The following TLR1 variants were observed in gnomAD, a reference collection of about 807,000 sequenced individuals.
The protein encoded by TLR1 is toll like receptor 1.
Under a neutral mutation model 20.2 loss-of-function variants are expected in TLR1, and 19 were observed. That is an observed-to-expected ratio of 0.94 (90% CI 0.66 to 1.38). The LOEUF (loss-of-function observed/expected upper bound fraction) is 1.38, where lower values mean the gene tolerates loss of function less well. TLR1 is among the 40% of genes most tolerant of loss of function. The pLI is 0.00. For synonymous variants in TLR1, 320 were observed against 334.5 expected, an observed-to-expected ratio of 0.96 and a Z score of 0.47; for missense variants, 921 against 910.0, an observed-to-expected ratio of 1.01 and a Z score of -0.16.
In TLR1 at chr4:38,796,688, T is replaced by C; in HGVS notation, c.2144A>G (p.His715Arg). 1 of 1,614,178 alleles carries C rather than the reference T, an allele frequency of 6.2e-7. No individual in the cohort carries two copies. Among genetic ancestry groups the C allele is most frequent in the South Asian group, 1.1e-5 (1 of 91,088 alleles). Residue 715 changes from histidine (H) to arginine (R), a missense_variant, in exon 4 of 4, where the codon CAT (histidine) becomes CGT (arginine). Coordinates refer to ENST00000308979, the MANE Select transcript of TLR1 (RefSeq NM_003263.4). ...EWCHYELYFA[H>R]HNLFHEGSNS... is the part of the protein sequence containing the mutation. ...AGATCCTTCATGAAAGAGATTGTGA[T>C]GGGCAAAGTAGAGTTCATAATGGCA...
Position 38,798,471 on chromosome 4 carries a change from G to A in TLR1, c.361C>T (p.Leu121=). 1 of 1,614,042 alleles carries A rather than the reference G, an allele frequency of 6.2e-7. No homozygotes were observed. The highest frequency in any genetic ancestry group is 1.6e-4 in the Middle Eastern group (1 of 6,062). The change falls in exon 4 of 4, where the codon CTG becomes TTG. Residue 121 remains leucine (L), a synonymous_variant. Coordinates refer to ENST00000308979, the MANE Select transcript of TLR1 (RefSeq NM_003263.4). ...HPTVNLKHLD[L]SFNAFDALPI... ...AGGGCATCAAATGCATTAAATGACA[G>A]GTCCAAGTGCTTGAGGTTCACAGTA...
At chr4:38,801,893 CA>C (rs1244694755) in intron 2 of TLR1, among the ~76,000 whole-genome samples, 1 of 152,174 alleles carries the variant, frequency 6.6e-6, no homozygotes, top group African/African-American at 2.4e-5. Flanking sequence ...GATGATCAGG[CA>C]GTTGTTAAAC....
chr4:38,795,135 G>A (rs556026741), downstream of TLR1, among the ~76,000 whole-genome samples: 2 of 152,264 alleles, frequency 1.3e-5, no homozygotes, highest in African/African-American at 4.8e-5. Context: ...TTTAACCCAA[G>A]AATAGAAGAA....
In TLR1 at chr4:38,798,456, A is replaced by G. The variant is rs1189222427; in HGVS notation, c.376T>C (p.Phe126Leu). The change falls in exon 4 of 4, where the codon TTT becomes CTT. Residue 126 changes from phenylalanine to leucine, a missense_variant. Coordinates refer to ENST00000308979, the MANE Select transcript of TLR1 (RefSeq NM_003263.4). ...TCTTTGCATATAGGCAGGGCATCAA[A>G]TGCATTAAATGACAGGTCCAAGTGC... is the stretch of plus-strand genomic sequence containing the variant. Reference protein sequence around the residue: ...LKHLDLSFNAFDALPICKEFG... With the variant: ...LKHLDLSFNALDALPICKEFG... The G allele has an allele frequency of 6.2e-7, 1 of 1,614,032 alleles. No individual in the cohort carries two copies. The highest frequency in any genetic ancestry group is 8.5e-7 in the Non-Finnish European group (1 of 1,179,946).
downstream of TLR1, among the ~76,000 whole-genome samples, chr4:38,793,984 A>C (rs1725873280): frequency 3.3e-5 from 5 of 152,172 alleles, no homozygotes; most frequent in South Asian, 1.0e-3. Flanking sequence ...TTAAGAAAAG[A>C]GACTGGGTTG....
intron 2 of TLR1, among the ~76,000 whole-genome samples, chr4:38,801,952 T>C (rs1183681010): frequency 6.6e-6 from 1 of 152,146 alleles, no homozygotes; most frequent in African/African-American, 2.4e-5. Flanking sequence ...ATTCCAGCAC[T>C]TCGGGAGGCT....
chr4:38,802,454 A>T (rs1011470208), intron 2 of TLR1, among the ~76,000 whole-genome samples: 6 of 152,218 alleles, frequency 3.9e-5, no homozygotes, highest in Non-Finnish European at 1.5e-5. Flanking sequence ...TCCAATGAGC[A>T]TGTACACAAC....
intron 2 of TLR1, among the ~76,000 whole-genome samples, chr4:38,803,712 G>T (rs372000788): frequency 6.6e-6 from 1 of 152,070 alleles, no homozygotes; most frequent in East Asian, 1.9e-4. Context: ...TTTGATCAAC[G>T]TCTTAATGAC....
rs556814825 is a variant in TLR1 at position 38,796,330 on chromosome 4, C to T, written c.*141G>A. On this transcript the variant is annotated 3_prime_UTR_variant, in exon 4 of 4. Transcript: ENST00000308979. ...AATACCACATATAAATGGTGAACTG[C>T]GACCCGAAGGTATATATTTTTACCT... The T allele has an allele frequency of 8.8e-5, 77 of 875,278 alleles. No individual in the cohort carries two copies. The highest frequency in any genetic ancestry group is 3.2e-4 in the Middle Eastern group (1 of 3,138). 54.2% of individuals were successfully genotyped at this position (875,278 alleles called of 1,614,324 possible).
At chr4:38,799,877 A>G (rs951598189) in intron 3 of TLR1, among the ~76,000 whole-genome samples, 3 of 152,224 alleles carry the variant, frequency 2.0e-5, no homozygotes, top group African/African-American at 7.2e-5. Context: ...CCATGTTTTA[A>G]GAACTGGAGA....
downstream of TLR1, among the ~76,000 whole-genome samples, chr4:38,790,021 C>T (rs1158373439): frequency 6.6e-6 from 1 of 152,124 alleles, no homozygotes; most frequent in African/African-American, 2.4e-5. Flanking sequence ...CCAAATAGCT[C>T]TCAAGTCAAA....
intron 3 of TLR1, among the ~76,000 whole-genome samples, chr4:38,799,691 T>C (rs1726499861): frequency 6.6e-6 from 1 of 152,156 alleles, no homozygotes; most frequent in Non-Finnish European, 1.5e-5. Context: ...TCTCAAGAGG[T>C]GTTCCTAATG....
chr4:38,795,773 C>G (rs767575409), downstream of TLR1, among the ~76,000 whole-genome samples: 1 of 152,180 alleles, frequency 6.6e-6, no homozygotes, highest in Admixed American at 6.5e-5. Context: ...AATACTTAAT[C>G]AAGCCATTTC....
downstream of TLR1, among the ~76,000 whole-genome samples, chr4:38,789,610 G>A (rs550575152): frequency 1.3e-4 from 19 of 151,988 alleles, no homozygotes; most frequent in South Asian, 2.5e-3. Flanking sequence ...TTACAGGCAC[G>A]CACAACCATG....
At chr4:38,788,701 C>A (rs967190427), downstream of TLR1, among the ~76,000 whole-genome samples, 2 of 152,116 alleles carry the variant, frequency 1.3e-5, no homozygotes, top group East Asian at 3.8e-4. Context: ...ATCATATATA[C>A]CTGCATTTAA....
Position 38,798,024 on chromosome 4 carries a change from G to A in TLR1, c.808C>T (p.His270Tyr), listed in dbSNP as rs1560459212. The stretch of plus-strand genomic sequence containing the variant: ...ATTGAGAAATACCATACAGTTGTAT[G>A]CCAAACCAGCTGGAGGATCCTAATG... The part of the protein sequence containing the change: ...SFIRILQLVW[H>Y]TTVWYFSISN... The change falls in exon 4 of 4, where the codon CAT (histidine) becomes TAT (tyrosine). Residue 270 changes from histidine to tyrosine, a missense_variant. By Grantham distance (83) the His-to-Tyr change is moderately conservative. Transcript: ENST00000308979. The A allele has an allele frequency of 6.2e-7, 1 of 1,614,132 alleles. No homozygotes were observed.
In TLR1 at chr4:38,800,928, CT is replaced by C. The variant is rs1047143049; in HGVS notation, c.-140del. The C allele has an allele frequency of 2.5e-4, 38 of 152,676 alleles. No individual in the cohort carries two copies. The highest frequency in any genetic ancestry group is 8.9e-4 in the African/African-American group (37 of 41,554). 9.5% of individuals were successfully genotyped at this position (152,676 alleles called of 1,614,324 possible). On this transcript the variant is annotated 5_prime_UTR_variant, in exon 3 of 4. The change creates a new upstream start codon in the 5' untranslated region. Transcript: ENST00000308979. ...TAACGAGGAAGAGGGCCTGGTACCC[CT>C]ATTAGTGTTCATGAAGACCCTGAGC... is the stretch of plus-strand genomic sequence containing the variant.
chr4:38,802,280 A>C (rs930443778), intron 2 of TLR1, among the ~76,000 whole-genome samples: 19 of 152,284 alleles, frequency 1.2e-4, no homozygotes, highest in Admixed American at 3.9e-4. Context: ...TCAGTCTCCT[A>C]ATAGATAGAA....
Position 38,796,453 on chromosome 4 carries a change from T to G in TLR1, c.*18A>C. 1 of 1,595,720 alleles carries G rather than the reference T, an allele frequency of 6.3e-7. No individual in the cohort carries two copies. Among genetic ancestry groups the G allele is most frequent in the Non-Finnish European group, 8.6e-7 (1 of 1,167,550 alleles). Reference sequence around the variant, plus strand: ...CAGCAATATCAACAGGAGGAATATTTTTCACTTGATGTGTAATCTATTTCT... The same window carrying G: ...CAGCAATATCAACAGGAGGAATATTGTTCACTTGATGTGTAATCTATTTCT... On this transcript the variant is annotated 3_prime_UTR_variant, in exon 4 of 4. Coordinates refer to ENST00000308979, the MANE Select transcript of TLR1 (RefSeq NM_003263.4).
Sources: allele counts gnomAD v4.1 joint callset (sites outside exome capture counted in the v4.1 genomes callset), GRCh38; gene constraint gnomAD v4.1.1; transcripts MANE v1.5; gene names NCBI Gene and HGNC (gene_info 2026-07-23, HGNC 2026-07-21).